ARL8B: variants seen among roughly 807,000 people sequenced by gnomAD.
The protein encoded by ARL8B is ARF like GTPase 8B.
Under a neutral mutation model 30.6 loss-of-function variants are expected in ARL8B, and 9 were observed. The observed-to-expected ratio is 0.29, with a 90% confidence interval of 0.18 to 0.51. The LOEUF (loss-of-function observed/expected upper bound fraction) is 0.51. ARL8B is among the 20% of genes least tolerant of loss of function. The pLI is 0.97. For synonymous variants in ARL8B, 74 were observed against 76.0 expected (o/e 0.97, Z 0.14); for missense variants, 130 against 227.2 (o/e 0.57, Z 2.75).
At chr3:5,164,582 C>T (rs190995490) in intron 1 of ARL8B, among the ~76,000 whole-genome samples, 79 of 152,244 alleles carry the variant, frequency 5.2e-4, no homozygotes, top group Non-Finnish European at 9.1e-4. Flanking sequence ...TCTGAAACAT[C>T]GGAGGGTGAG....
rs576653836 is a variant in ARL8B, at chr3:5,166,348, GTTTT to G, written c.124-4139_124-4136del. 6.0e-5 allele frequency among the ~76,000 whole-genome samples: 6 copies of G among 99,178 alleles called. No homozygotes were observed. In the South Asian group the frequency reaches 1.7e-3, roughly 28 times the overall value. 65.1% of individuals were successfully genotyped at this position (99,178 alleles called of 152,430 possible). A position where few individuals can be genotyped will look rare whatever the true frequency, so the allele number is the denominator to read the frequency against. On this transcript the variant is annotated intron_variant, in intron 1 of 6. Transcript: ENST00000256496. ...CTGCTGCGCCTGGCTGGTATCTTTC[GTTTT>G]TTTTTTTTTTTTTTTGGTAATGCTC...
chr3:5,148,068 C>T (rs879530248), intron 1 of ARL8B, among the ~76,000 whole-genome samples: 1 of 151,734 alleles, frequency 6.6e-6, no homozygotes, highest in Non-Finnish European at 1.5e-5. Context: ...AGGGTGTTGC[C>T]TCTCCCAGAT....
chr3:5,148,515 G>C (rs912820537), intron 1 of ARL8B, among the ~76,000 whole-genome samples: 1 of 152,158 alleles, frequency 6.6e-6, no homozygotes, highest in Admixed American at 6.5e-5. Flanking sequence ...TATTTTGTGA[G>C]ATGTATGGAG....
intron 1 of ARL8B, among the ~76,000 whole-genome samples, chr3:5,132,285 C>T (rs1159726540): frequency 2.0e-5 from 3 of 151,908 alleles, no homozygotes; most frequent in African/African-American, 7.3e-5. Flanking sequence ...GGCAGAGTCT[C>T]ACTCTGTCTC....
At position 5,166,289 on chromosome 3, in the gene ARL8B, C is replaced by T. The variant is rs564661692; in HGVS notation, c.124-4214C>T. Among the ~76,000 whole-genome samples the T allele has an allele frequency of 2.6e-5, 4 of 151,224 alleles. 1 individual carries two copies. The Middle Eastern group carries it at 0.01, about 394-fold the overall frequency. ...TCTTGACCTCGTGATCCACCCACCTCGGCCTCCCAAAGTGCTGGGAGTACA... is the reference window on the plus strand; with the variant it reads ...TCTTGACCTCGTGATCCACCCACCTTGGCCTCCCAAAGTGCTGGGAGTACA... On this transcript the variant is annotated intron_variant, in intron 1 of 6. Coordinates refer to ENST00000256496, the MANE Select transcript of ARL8B (RefSeq NM_018184.3).
chr3:5,179,076 A>G lies in ARL8B; in HGVS notation c.*363A>G, dbSNP rs2054755025. 1 of 172,692 alleles carries G rather than the reference A, an allele frequency of 5.8e-6. No homozygotes were observed. Among genetic ancestry groups the G allele is most frequent in the African/African-American group, 2.4e-5 (1 of 42,060 alleles). 10.7% of individuals were successfully genotyped at this position (172,692 alleles called of 1,614,324 possible). A position where few individuals can be genotyped will look rare whatever the true frequency, so the allele number is the denominator to read the frequency against. On this transcript the variant is annotated 3_prime_UTR_variant, in exon 7 of 7. Coordinates refer to ENST00000256496, the MANE Select transcript of ARL8B (RefSeq NM_018184.3). ...AGATTTTTATATTGGTTTTCAGTAA[A>G]TGTCTATCTATAATATTTCATTATA...
chr3:5,124,903 A>G (rs550948336), intron 1 of ARL8B, among the ~76,000 whole-genome samples: 54 of 152,318 alleles, frequency 3.5e-4, no homozygotes, highest in Admixed American at 2.7e-3. Context: ...CATGGAATTA[A>G]TGTTTCATGT....
At position 5,162,480 on chromosome 3, in the gene ARL8B, A is replaced by G. The variant is rs144840200; in HGVS notation, c.124-8023A>G. On this transcript the variant is annotated intron_variant, in intron 1 of 6. Coordinates refer to ENST00000256496, the MANE Select transcript of ARL8B (RefSeq NM_018184.3). ...TTTGAAATGATAATCTTGGAATGTT[A>G]TGACTTTGTAGAAGGTTTTATTTGA... Among the ~76,000 whole-genome samples, 876 of 152,312 alleles carry G rather than the reference A, an allele frequency of 5.8e-3. 8 individuals are homozygous for G. The highest frequency in any genetic ancestry group is 0.019 in the African/African-American group (806 of 41,564).
chr3:5,175,309 T>A (rs960199512), intron 6 of ARL8B, among the ~76,000 whole-genome samples: 9 of 152,238 alleles, frequency 5.9e-5, no homozygotes, highest in Admixed American at 3.9e-4. Flanking sequence ...ATCCTGAATC[T>A]TCTTTGTGCT....
chr3:5,123,707 G>C lies in ARL8B; in HGVS notation c.123+1119G>C, dbSNP rs761906980. Among the ~76,000 whole-genome samples, 7 of 152,168 alleles carry C rather than the reference G, an allele frequency of 4.6e-5. No homozygotes were observed. In the South Asian group the frequency reaches 1.0e-3, roughly 23 times the overall value. On this transcript the variant is annotated intron_variant, in intron 1 of 6. Coordinates refer to ENST00000256496, the MANE Select transcript of ARL8B (RefSeq NM_018184.3). ...TGATTCAAACACAGCTTTCATGTTT[G>C]AGAAAATAGGTAACTTGTGATTCTT...
At chr3:5,152,846 C>A (rs968090935) in intron 1 of ARL8B, among the ~76,000 whole-genome samples, 4 of 152,246 alleles carry the variant, frequency 2.6e-5, no homozygotes, top group Non-Finnish European at 5.9e-5. Flanking sequence ...TACATTTTGA[C>A]AGTTTCTGTC....
chr3:5,155,667 G>GC lies in ARL8B; in HGVS notation c.124-14829dup, dbSNP rs58950262. Among the ~76,000 whole-genome samples the GC allele has an allele frequency of 2.8e-4, 34 of 121,600 alleles. 1 individual carries two copies. The South Asian group carries it at 7.0e-3, about 25-fold the overall frequency. The allele number at this position is 121,600 out of a possible 152,430, so 79.8% of individuals were successfully genotyped here. A position where few individuals can be genotyped will look rare whatever the true frequency, so the allele number is the denominator to read the frequency against. ...ATCCTCAGGTTTGTTGATTCCCCGT[G>GC]CCCCCCCACCCCCGCCTGGTCAAAT... On this transcript the variant is annotated intron_variant, in intron 1 of 6. Coordinates refer to ENST00000256496, the MANE Select transcript of ARL8B (RefSeq NM_018184.3).
chr3:5,155,617 C>G (rs1399377025), intron 1 of ARL8B, among the ~76,000 whole-genome samples: 2 of 151,880 alleles, frequency 1.3e-5, no homozygotes. Flanking sequence ...CTGACTCAGA[C>G]TGAATAATTA....
chr3:5,179,352 T>C lies in ARL8B; in HGVS notation c.*639T>C, dbSNP rs1347478667. 6.6e-6 allele frequency: 1 copy of C among 152,298 alleles called. No homozygotes were observed. Among genetic ancestry groups the C allele is most frequent in the African/African-American group, 2.4e-5 (1 of 41,468 alleles). The allele number at this position is 152,298 out of a possible 1,614,324, so 9.4% of individuals were successfully genotyped here. ...CACTGGTGAGATTCTGCCTGATGAATATTAAAGATATCCTGCTTTCTGAGA... is the reference window on the plus strand; with the variant it reads ...CACTGGTGAGATTCTGCCTGATGAACATTAAAGATATCCTGCTTTCTGAGA... On this transcript the variant is annotated 3_prime_UTR_variant, in exon 7 of 7. Coordinates refer to ENST00000256496, the MANE Select transcript of ARL8B (RefSeq NM_018184.3).
At chr3:5,145,725 C>T (rs893167419) in intron 1 of ARL8B, among the ~76,000 whole-genome samples, 6 of 152,206 alleles carry the variant, frequency 3.9e-5, no homozygotes, top group Non-Finnish European at 8.8e-5. Context: ...GTTTCAGATA[C>T]ACAATCTTTG....
chr3:5,142,000 TTG>T (rs1310274112), intron 1 of ARL8B, among the ~76,000 whole-genome samples: 1 of 152,214 alleles, frequency 6.6e-6, no homozygotes, highest in African/African-American at 2.4e-5. Context: ...GGGACTCCTA[TTG>T]AGTCAACATA....
chr3:5,165,100 G>C (rs1368001133), intron 1 of ARL8B, among the ~76,000 whole-genome samples: 2 of 152,250 alleles, frequency 1.3e-5, no homozygotes, highest in African/African-American at 4.8e-5. Flanking sequence ...AGTGTTGCCT[G>C]ATTTCTCCAT....
At chr3:5,151,613 CT>C (rs1420015073) in intron 1 of ARL8B, among the ~76,000 whole-genome samples, 1 of 152,044 alleles carries the variant, frequency 6.6e-6, no homozygotes, top group East Asian at 1.9e-4. Context: ...TTCCAGATAG[CT>C]TTATATTAAT....
chr3:5,156,676 A>G (rs1481250157), intron 1 of ARL8B, among the ~76,000 whole-genome samples: 2 of 152,152 alleles, frequency 1.3e-5, no homozygotes, highest in Non-Finnish European at 2.9e-5. Flanking sequence ...TTGGCCTCCC[A>G]AAGTGCTGGT....
Sources: allele counts gnomAD v4.1 joint callset (sites outside exome capture counted in the v4.1 genomes callset), GRCh38; gene constraint gnomAD v4.1.1; transcripts MANE v1.5; gene names NCBI Gene and HGNC (gene_info 2026-07-23, HGNC 2026-07-21).